The following PPT1 variants were observed in gnomAD, a reference collection of about 807,000 sequenced individuals.
PPT1 encodes the protein palmitoyl-protein thioesterase 1, also known as ceroid-palmitoyl-palmitoyl-protein thioesterase 1.
Under a neutral mutation model 44.0 loss-of-function variants are expected in PPT1, and 24 were observed. That is an observed-to-expected ratio of 0.54 (90% confidence interval 0.39 to 0.77). The LOEUF (loss-of-function observed/expected upper bound fraction) is 0.77. PPT1 is among the 30% of genes least tolerant of loss of function. The pLI, the probability that PPT1 is intolerant of heterozygous loss-of-function variation, is 0.00. For missense variants in PPT1, 341 were observed against 378.8 expected, an observed-to-expected ratio of 0.90 and a Z score of 0.83; for synonymous variants, 148 against 140.2, an observed-to-expected ratio of 1.06 and a Z score of -0.39.
intron 1 of PPT1, among the ~76,000 whole-genome samples, chr1:40,094,918 T>C (rs996466602): frequency 1.1e-4 from 17 of 152,162 alleles, no homozygotes; most frequent in African/African-American, 4.1e-4. Flanking sequence ...GTGTCCTCTT[T>C]TGACCCCACT....
rs1649550930 is a variant in PPT1 at position 40,091,326 on chromosome 1, T to C, written c.433+3A>G. 4 of 1,613,332 alleles carry C rather than the reference T, an allele frequency of 2.5e-6. No individual in the cohort carries two copies. Among genetic ancestry groups the C allele is most frequent in the Non-Finnish European group, 3.4e-6 (4 of 1,179,306 alleles). On this transcript the variant is annotated splice_donor_region_variant and intron_variant, in intron 4 of 8. Transcript: ENST00000642050. ...AAAAAAGAAAGCAAAGAGGCAAAGTTACCTTGATGTTGTCCCCCAACCGAG... is the reference window on the plus strand; with the variant it reads ...AAAAAAGAAAGCAAAGAGGCAAAGTCACCTTGATGTTGTCCCCCAACCGAG...
intron 5 of PPT1, among the ~76,000 whole-genome samples, chr1:40,085,529 C>T (rs935010352): frequency 3.3e-5 from 5 of 152,126 alleles, no homozygotes; most frequent in Non-Finnish European, 7.3e-5. Flanking sequence ...TCTCCGCACA[C>T]AGGGAGAAAA....
chr1:40,071,709 T>C (rs1360784328), downstream of PPT1: 3 of 578,142 alleles, frequency 5.2e-6, no homozygotes, highest in Non-Finnish European at 9.3e-6. Flanking sequence ...TGGGGTGGGA[T>C]AGCAGGTCAG....
At position 40,078,555 on chromosome 1, in the gene PPT1, C is replaced by G; in HGVS notation, c.726+5G>C. On this transcript the variant is annotated splice_donor_5th_base_variant and intron_variant, in intron 7 of 8. Coordinates refer to ENST00000642050, the MANE Select transcript of PPT1 (RefSeq NM_000310.4). ...TCCTGGCATGTGGCCTAAGTAGTGT[C>G]TCACCTCCGAATCTACAGGGTCCAC... 6.2e-7 allele frequency: 1 copy of G among 1,612,724 alleles called. No individual in the cohort carries two copies. The highest frequency in any genetic ancestry group is 8.5e-7 in the Non-Finnish European group (1 of 1,178,820).
chr1:40,079,176 ATTC>A (rs1201407752), intron 6 of PPT1, among the ~76,000 whole-genome samples: 1 of 152,086 alleles, frequency 6.6e-6, no homozygotes, highest in African/African-American at 2.4e-5. Context: ...ACAGGATTTC[ATTC>A]TTTTTTATGA....
In PPT1 at chr1:40,090,440, G is replaced by GTATA. The variant is rs146116793; in HGVS notation, c.433+885_433+888dup. ...TATGTGTGTATATAGGTGCATATGT[G>GTATA]TATATATATGTCTATGTATGTATGT... On this transcript the variant is annotated intron_variant, in intron 4 of 8. Coordinates refer to ENST00000642050, the MANE Select transcript of PPT1 (RefSeq NM_000310.4). Among the ~76,000 whole-genome samples, 15 of 151,316 alleles carry GTATA rather than the reference G, an allele frequency of 9.9e-5. No homozygotes were observed. In the South Asian group the frequency reaches 1.0e-3, roughly 10 times the overall value.
At chr1:40,082,150 G>A (rs1485027372) in intron 5 of PPT1, 3 of 152,200 alleles carry the variant, frequency 2.0e-5, no homozygotes, top group Non-Finnish European at 4.4e-5. Context: ...ATCCCAGGTT[G>A]GCAGGGAGAG....
rs1041323414 is a variant in PPT1 at position 40,072,748 on chromosome 1, A to C, written c.*1313T>G. On this transcript the variant is annotated 3_prime_UTR_variant, in exon 9 of 9. Coordinates refer to ENST00000642050, the MANE Select transcript of PPT1 (RefSeq NM_000310.4). Reference sequence around the variant, plus strand: ...TCTTTATTTTAGACAACCTCATAAAATTATTTTCACATCCCCCCCAACTTC... The same window carrying C: ...TCTTTATTTTAGACAACCTCATAAACTTATTTTCACATCCCCCCCAACTTC... 20 of 152,398 alleles carry C rather than the reference A, an allele frequency of 1.3e-4. No individual in the cohort carries two copies. The highest frequency in any genetic ancestry group is 4.8e-4 in the African/African-American group (20 of 41,450). 9.4% of individuals were successfully genotyped at this position (152,398 alleles called of 1,614,324 possible). A position where few individuals can be genotyped will look rare whatever the true frequency, so the allele number is the denominator to read the frequency against.
At chr1:40,072,223 G>A (rs1361230588), downstream of PPT1, 34 of 379,250 alleles carry the variant, frequency 9.0e-5, no homozygotes, top group African/African-American at 6.9e-4. Flanking sequence ...TCCCTGCCCA[G>A]CACCTTCCTA....
intron 6 of PPT1, chr1:40,078,971 A>G (rs1237663482): frequency 5.3e-6 from 2 of 378,092 alleles, no homozygotes; most frequent in East Asian, 6.9e-5. Context: ...AGTGCCCAAC[A>G]GGAAGTTTTT....
chr1:40,078,179 TTTTCA>T (rs1023553149), intron 7 of PPT1, among the ~76,000 whole-genome samples: 12 of 152,168 alleles, frequency 7.9e-5, no homozygotes, highest in Non-Finnish European at 1.5e-4. Flanking sequence ...CAGCTGTATT[TTTTCA>T]TTTCATTTCA....
chr1:40,076,974 ATT>A, intron 7 of PPT1, 61 bp from the exon 8 acceptor site: 6 of 1,586,050 alleles, frequency 3.8e-6, no homozygotes, highest in Non-Finnish European at 4.3e-6. Flanking sequence ...TGCCAAAATA[ATT>A]TGAGACTGGT....
intron 8 of PPT1, 103 bp from the exon 9 acceptor site, chr1:40,074,286 C>T: frequency 6.9e-7 from 1 of 1,443,880 alleles, no homozygotes; most frequent in Middle Eastern, 1.8e-4. Context: ...GCAGTTTGTC[C>T]TGAGTATTAA....
intron 5 of PPT1, among the ~76,000 whole-genome samples, chr1:40,080,761 C>A (rs919793358): frequency 1.3e-5 from 2 of 152,156 alleles, no homozygotes; most frequent in African/African-American, 2.4e-5. Flanking sequence ...GTAATCCTAG[C>A]TACTTGGGAG....
intron 8 of PPT1, among the ~76,000 whole-genome samples, chr1:40,075,492 T>TC (rs397945071): frequency 2.6e-5 from 4 of 151,126 alleles, no homozygotes; most frequent in South Asian, 4.2e-4. Flanking sequence ...TTTTTTTTTT[T>TC]CTCAAATCAG....
chr1:40,086,169 G>A (rs977560444), intron 5 of PPT1, among the ~76,000 whole-genome samples: 1 of 152,180 alleles, frequency 6.6e-6, no homozygotes. Context: ...GGGGGAAGAC[G>A]GAGGCCAAGG....
intron 1 of PPT1, among the ~76,000 whole-genome samples, chr1:40,095,455 T>C (rs1485716564): frequency 1.3e-5 from 2 of 151,756 alleles, no homozygotes; most frequent in Non-Finnish European, 2.9e-5. Flanking sequence ...ACACTCCAAA[T>C]GCCTCTACAA....
At position 40,097,163 on chromosome 1, in the gene PPT1, G is replaced by A. The variant is rs757867453; in HGVS notation, c.76C>T (p.His26Tyr). 6.2e-7 allele frequency: 1 copy of A among 1,614,118 alleles called. No homozygotes were observed. The highest frequency in any genetic ancestry group is 1.7e-5 in the Admixed American group (1 of 60,034). Reference protein sequence around the residue: ...PWTCASRALQHLDPPAPLPLV... With the variant: ...PWTCASRALQYLDPPAPLPLV... ...GGCAGCGGCGCCGGCGGGTCCAGATGCTGCAGCGCCCGAGAAGCGCAGGTC... is the reference window on the plus strand; with the variant it reads ...GGCAGCGGCGCCGGCGGGTCCAGATACTGCAGCGCCCGAGAAGCGCAGGTC... Residue 26 changes from histidine (H) to tyrosine (Y), a missense_variant, in exon 1 of 9, where the codon CAT becomes TAT. Coordinates refer to ENST00000642050, the MANE Select transcript of PPT1 (RefSeq NM_000310.4).
chr1:40,089,286 C>CAA, intron 5 of PPT1, 124 bp downstream of exon 5: 4 of 366,442 alleles, frequency 1.1e-5, no homozygotes, highest in East Asian at 7.4e-5. Flanking sequence ...AACTCCATCT[C>CAA]AAAAAAAAAG....
Sources: allele counts gnomAD v4.1 joint callset (sites outside exome capture counted in the v4.1 genomes callset), GRCh38; gene constraint gnomAD v4.1.1; transcripts MANE v1.5; gene names NCBI Gene and HGNC (gene_info 2026-07-23, HGNC 2026-07-21).